The following SLC16A3 variants were observed in gnomAD, a reference collection of about 807,000 sequenced individuals.
SLC16A3 encodes solute carrier family 16 member 3, also known as monocarboxylate transporter 4.
A neutral mutation model predicts 25.0 loss-of-function variants in SLC16A3; 22 were observed. That is an observed-to-expected ratio of 0.88 (90% CI 0.63 to 1.26). SLC16A3 has a LOEUF of 1.26. SLC16A3 is among the 50% of genes most tolerant of loss of function. The probability of loss-of-function intolerance (pLI) is 0.00; values close to 1 mark genes in which losing one functional copy is unlikely to be tolerated. For synonymous variants in SLC16A3, 390 were observed against 309.2 expected (o/e 1.26, Z -2.74); for missense variants, 731 against 666.6 (o/e 1.10, Z -1.06).
At chr17:82,227,792 T>G (rs1272972702), upstream of SLC16A3, among the ~76,000 whole-genome samples, 1 of 152,134 alleles carries the variant, frequency 6.6e-6, no homozygotes, top group African/African-American at 2.4e-5. Flanking sequence ...ATCTTGATGT[T>G]TGGGGATGGG....
rs1388115057 is a variant in SLC16A3 at position 82,240,042 on chromosome 17, A to G, written c.*1066A>G. ...CCTGGCGGGCCGCGTGCAGCCGGAG[A>G]GATGCCATGTCCCTGCTCCTCTGCA... On this transcript the variant is annotated 3_prime_UTR_variant, in exon 5 of 5. Coordinates refer to ENST00000582743, the MANE Select transcript of SLC16A3 (RefSeq NM_004207.4). 8.9e-6 allele frequency: 11 copies of G among 1,233,692 alleles called. No homozygotes were observed. Among genetic ancestry groups the G allele is most frequent in the Non-Finnish European group, 1.0e-5 (10 of 987,918 alleles). The allele number at this position is 1,233,692 out of a possible 1,614,324, so 76.4% of individuals were successfully genotyped here.
upstream of SLC16A3, among the ~76,000 whole-genome samples, chr17:82,224,097 C>A (rs1433117142): frequency 9.9e-5 from 14 of 141,868 alleles, no homozygotes; most frequent in Admixed American, 4.1e-4. Context: ...TGCAGACACA[C>A]CCCTACACCC....
intron 1 of SLC16A3, among the ~76,000 whole-genome samples, chr17:82,219,488 G>A (rs564737571): frequency 2.1e-4 from 32 of 152,228 alleles, no homozygotes; most frequent in East Asian, 9.7e-4. Flanking sequence ...GTGGCCGCCC[G>A]TAGGGTCTCG....
chr17:82,226,479 C>T (rs1599549740), upstream of SLC16A3, among the ~76,000 whole-genome samples: 1 of 152,118 alleles, frequency 6.6e-6, no homozygotes, highest in South Asian at 2.1e-4. Context: ...AGACCCCCAG[C>T]GGGCCAGGGG....
chr17:82,229,769 C>T (rs561051875), intron 1 of SLC16A3: 1 of 152,390 alleles, frequency 6.6e-6, no homozygotes, highest in South Asian at 2.1e-4. Context: ...CTAACCCACG[C>T]CTCAGTTTCC....
chr17:82,236,331 C>T (rs2050601367), intron 2 of SLC16A3, 100 bp downstream of exon 2: 2 of 1,088,752 alleles, frequency 1.8e-6, no homozygotes, highest in African/African-American at 1.5e-5. Flanking sequence ...TCCGCCTGCT[C>T]CCCAGGGAAC....
At chr17:82,219,336 G>C (rs190506701) in intron 1 of SLC16A3, among the ~76,000 whole-genome samples, 2 of 152,220 alleles carry the variant, frequency 1.3e-5, no homozygotes, top group East Asian at 3.9e-4. Flanking sequence ...ACCTGGGAAG[G>C]TGCCCACCCA....
At chr17:82,221,030 G>C (rs1187444097) in intron 1 of SLC16A3, among the ~76,000 whole-genome samples, 1 of 151,924 alleles carries the variant, frequency 6.6e-6, no homozygotes, top group East Asian at 1.9e-4. Context: ...TACTGGCCAG[G>C]CTGGTCTCAA....
At chr17:82,232,103 CCA>C (rs1469024723) in intron 1 of SLC16A3, 4 of 152,262 alleles carry the variant, frequency 2.6e-5, no homozygotes, top group African/African-American at 9.6e-5. Context: ...CAGGCGCTGG[CCA>C]CAGAGGCCGC....
intron 1 of SLC16A3, among the ~76,000 whole-genome samples, chr17:82,221,046 T>C (rs2050386448): frequency 6.6e-6 from 1 of 151,914 alleles, no homozygotes; most frequent in African/African-American, 2.4e-5. Context: ...CTCAAACTCC[T>C]GGCCTCAAGT....
chr17:82,237,439 C>T lies in SLC16A3; in HGVS notation c.669C>T (p.Phe223=), dbSNP rs1208106640. ...GGCGCCTGCTAGACCTGAGCGTCTTCCGGGACCGCGGCTTTGTGCTTTACG... is the reference window on the plus strand; with the variant it reads ...GGCGCCTGCTAGACCTGAGCGTCTTTCGGGACCGCGGCTTTGTGCTTTACG... ...PSRRLLDLSV[F]RDRGFVLYAV... The change falls in exon 4 of 5, where the codon TTC becomes TTT. Residue 223 remains phenylalanine, a synonymous_variant. Coordinates refer to ENST00000582743, the MANE Select transcript of SLC16A3 (RefSeq NM_004207.4). 6.3e-7 allele frequency: 1 copy of T among 1,592,210 alleles called. No individual in the cohort carries two copies. Among genetic ancestry groups the T allele is most frequent in the African/African-American group, 1.3e-5 (1 of 74,662 alleles).
chr17:82,219,997 G>A (rs185307949), intron 1 of SLC16A3, among the ~76,000 whole-genome samples: 1 of 152,256 alleles, frequency 6.6e-6, no homozygotes, highest in African/African-American at 2.4e-5. Context: ...GATGCTGGAC[G>A]CTCAGGGCCG....
At position 82,236,742 on chromosome 17, in the gene SLC16A3, T is replaced by C. The variant is rs532979333; in HGVS notation, c.237T>C (p.Ser79=). 2.2e-5 allele frequency: 35 copies of C among 1,607,120 alleles called. No individual in the cohort carries two copies. The South Asian group carries it at 2.4e-4, about 11-fold the overall frequency. The change falls in exon 3 of 5, where the codon AGT becomes AGC. Residue 79 remains serine, a synonymous_variant. Coordinates refer to ENST00000582743, the MANE Select transcript of SLC16A3 (RefSeq NM_004207.4). ...AMLYGTGPLC[S]VCVNRFGCRP... ...TGCCCTCTCCAGGTCCGCTCTGCAG[T>C]GTGTGCGTGAACCGCTTTGGCTGCC...
rs61745819 is a variant in SLC16A3, at chr17:82,237,394, G to A, written c.624G>A (p.Ser208=). Residue 208 remains serine (S), a synonymous_variant, in exon 4 of 5, where the codon TCG becomes TCA. Coordinates refer to ENST00000582743, the MANE Select transcript of SLC16A3 (RefSeq NM_004207.4). ...TGGTGGTCACGGCCCAGCCGGGCTC[G>A]GGGCCGCCGCGACCCTCCCGGCGCC... is the stretch of plus-strand genomic sequence containing the variant. ...RPLVVTAQPG[S]GPPRPSRRLL... The A allele has an allele frequency of 3.7e-4, 569 of 1,552,658 alleles. 2 individuals are homozygous for A. In the African/African-American group the frequency reaches 7.1e-3, roughly 19 times the overall value.
rs2050694816 is a variant in SLC16A3, at chr17:82,238,976, A to G, written c.1398A>G (p.Ter466TrpextTer67). The G allele has an allele frequency of 6.6e-7, 1 of 1,519,322 alleles. No individual in the cohort carries two copies. Among genetic ancestry groups the G allele is most frequent in the African/African-American group, 1.4e-5 (1 of 72,254 alleles). 94.1% of individuals were successfully genotyped at this position (1,519,322 alleles called of 1,614,324 possible). A position where few individuals can be genotyped will look rare whatever the true frequency, so the allele number is the denominator to read the frequency against. ...TTCACACCCCGGAAACAAGTGTCTGAGTGGCTGGGCGGGGCCGGCAGGCAC... is the reference window on the plus strand; with the variant it reads ...TTCACACCCCGGAAACAAGTGTCTGGGTGGCTGGGCGGGGCCGGCAGGCAC... ...EVVHTPETSV[*>W] Residue 466 changes from the stop codon to tryptophan (W), a stop_lost, in exon 5 of 5, where the codon TGA becomes TGG. Coordinates refer to ENST00000582743, the MANE Select transcript of SLC16A3 (RefSeq NM_004207.4).
At chr17:82,223,205 G>A (rs2050400082) in intron 1 of SLC16A3, among the ~76,000 whole-genome samples, 1 of 147,486 alleles carries the variant, frequency 6.8e-6, no homozygotes, top group Admixed American at 6.6e-5. Context: ...TTCTGAGACG[G>A]AGTTTCGCTC....
chr17:82,223,243 C>G (rs1187693457), intron 1 of SLC16A3, among the ~76,000 whole-genome samples: 1 of 151,768 alleles, frequency 6.6e-6, no homozygotes, highest in East Asian at 1.9e-4. Context: ...AGTATAGTGT[C>G]GCGATCTCGG....
intron 1 of SLC16A3, chr17:82,235,244 C>T (rs2050577876): frequency 6.7e-6 from 1 of 148,466 alleles, no homozygotes; most frequent in Non-Finnish European, 1.5e-5. Flanking sequence ...GTCAAGATCT[C>T]ACTGGAGGAG....
intron 1 of SLC16A3, chr17:82,234,533 C>G (rs1261881983): frequency 6.6e-6 from 1 of 152,306 alleles, no homozygotes; most frequent in Non-Finnish European, 1.5e-5. Flanking sequence ...GCAGCATTTC[C>G]CAGTAACAGT....
Sources: allele counts gnomAD v4.1 joint callset (sites outside exome capture counted in the v4.1 genomes callset), GRCh38; gene constraint gnomAD v4.1.1; transcripts MANE v1.5; gene names NCBI Gene and HGNC (gene_info 2026-07-23, HGNC 2026-07-21).